The following ZFR variants were observed in gnomAD, a reference collection of about 807,000 sequenced individuals.
ZFR encodes zinc finger RNA binding protein, also known as zinc finger RNA-binding protein.
ZFR carries 19 observed loss-of-function variants against 130.7 expected under a neutral mutation model. The observed-to-expected ratio is 0.15, with a 90% CI of 0.10 to 0.21. The LOEUF (loss-of-function observed/expected upper bound fraction) is 0.21, where lower values mean the gene tolerates loss of function less well. Among genes scored for constraint, ZFR ranks in the 10% least tolerant of loss-of-function variants. ZFR has a pLI of 1.00. For synonymous variants in ZFR, 466 were observed against 456.9 expected (o/e 1.02, Z -0.25); for missense variants, 872 against 1,321.5 (o/e 0.66, Z 5.27).
At position 32,355,418 on chromosome 5, in the gene ZFR, C is replaced by G. The variant is rs1250925168; in HGVS notation, c.*342G>C. On this transcript the variant is annotated 3_prime_UTR_variant, in exon 20 of 20. Coordinates refer to ENST00000265069, the MANE Select transcript of ZFR (RefSeq NM_016107.5). The stretch of plus-strand genomic sequence containing the variant: ...ACACAGAGCAACTGAAGCACACATC[C>G]TGCATTAAATACAGTGAAGATTTAA... 1 of 164,150 alleles carries G rather than the reference C, an allele frequency of 6.1e-6. No homozygotes were observed. The highest frequency in any genetic ancestry group is 1.7e-4 in the East Asian group (1 of 5,766). The allele number at this position is 164,150 out of a possible 1,614,324, so 10.2% of individuals were successfully genotyped here. A position where few individuals can be genotyped will look rare whatever the true frequency, so the allele number is the denominator to read the frequency against.
At chr5:32,423,576 A>C (rs909110559) in intron 2 of ZFR, among the ~76,000 whole-genome samples, 4 of 152,122 alleles carry the variant, frequency 2.6e-5, no homozygotes, top group African/African-American at 9.6e-5. Flanking sequence ...TATATGAAAA[A>C]TACAAAAGAA....
At chr5:32,356,932 G>A (rs1268069849) in intron 19 of ZFR, among the ~76,000 whole-genome samples, 1 of 152,114 alleles carries the variant, frequency 6.6e-6, no homozygotes, top group Non-Finnish European at 1.5e-5. Context: ...CCCCCTTCTG[G>A]ATACTATAAA....
At chr5:32,442,606 T>A (rs1399918853) in intron 2 of ZFR, among the ~76,000 whole-genome samples, 4 of 152,258 alleles carry the variant, frequency 2.6e-5, no homozygotes. Context: ...AAAACACTTG[T>A]AAAATGCCAC....
intron 6 of ZFR, 127 bp downstream of exon 6, chr5:32,406,647 T>TA (rs1450586190): frequency 8.4e-6 from 11 of 1,315,480 alleles, no homozygotes; most frequent in Non-Finnish European, 9.9e-6. Context: ...ACAAGTAACT[T>TA]AAAAAATGCA....
chr5:32,408,155 G>C (rs776716372), intron 5 of ZFR, among the ~76,000 whole-genome samples: 17 of 151,774 alleles, frequency 1.1e-4, no homozygotes, highest in Admixed American at 2.0e-4. Context: ...GCTTAACTTG[G>C]TGATTTTTAT....
chr5:32,400,348 AC>A (rs1295458761), intron 8 of ZFR, 145 bp from the exon 9 acceptor site: 2 of 580,514 alleles, frequency 3.4e-6, no homozygotes, highest in East Asian at 6.5e-5. Flanking sequence ...TTGAAGAACT[AC>A]ATAAACTACT....
At chr5:32,378,058 G>C (rs575684232) in intron 17 of ZFR, among the ~76,000 whole-genome samples, 58 of 152,316 alleles carry the variant, frequency 3.8e-4, no homozygotes, top group African/African-American at 1.3e-3. Flanking sequence ...AACTATGACA[G>C]TGTAAAGAAT....
chr5:32,421,745 C>A (rs324433), intron 2 of ZFR, among the ~76,000 whole-genome samples: 95,352 of 151,948 alleles, frequency 0.63, 30,336 homozygotes, highest in African/African-American at 0.72. Flanking sequence ...AAACTTAGAA[C>A]AGAGTCCAAA....
At chr5:32,395,943 G>A (rs1753296902) in intron 10 of ZFR, among the ~76,000 whole-genome samples, 1 of 152,112 alleles carries the variant, frequency 6.6e-6, no homozygotes, top group Non-Finnish European at 1.5e-5. Context: ...TTTTTAGGGA[G>A]TCAAAAGTTA....
At chr5:32,360,079 G>C (rs1752398882) in intron 19 of ZFR, among the ~76,000 whole-genome samples, 1 of 152,046 alleles carries the variant, frequency 6.6e-6, no homozygotes, top group African/African-American at 2.4e-5. Context: ...CTTGAAACTA[G>C]GGGGACTTCA....
chr5:32,380,662 T>C (rs1278695719), intron 15 of ZFR, among the ~76,000 whole-genome samples: 1 of 147,682 alleles, frequency 6.8e-6, no homozygotes, highest in African/African-American at 2.5e-5. Context: ...TTTTTTTTTT[T>C]TTTTTTTTTT....
chr5:32,431,604 T>C (rs553634428), intron 2 of ZFR, among the ~76,000 whole-genome samples: 9 of 152,336 alleles, frequency 5.9e-5, no homozygotes, highest in Admixed American at 2.0e-4. Context: ...AATTGATAGA[T>C]ACAACATTTC....
intron 15 of ZFR, among the ~76,000 whole-genome samples, chr5:32,382,751 A>G (rs1752960165): frequency 6.6e-6 from 1 of 152,138 alleles, no homozygotes; most frequent in Non-Finnish European, 1.5e-5. Flanking sequence ...CTGGGATTAT[A>G]GGCACTCACC....
intron 17 of ZFR, among the ~76,000 whole-genome samples, chr5:32,376,955 G>C (rs1313869101): frequency 8.8e-6 from 1 of 113,722 alleles, no homozygotes; most frequent in Non-Finnish European, 1.8e-5. Flanking sequence ...CTCCAGCCTG[G>C]GCGACAAGCT....
intron 10 of ZFR, among the ~76,000 whole-genome samples, chr5:32,396,206 C>T (rs1375696410): frequency 2.0e-5 from 3 of 149,740 alleles, no homozygotes; most frequent in South Asian, 4.2e-4. Flanking sequence ...GAGCAAGGCC[C>T]TATCTCAAAA....
rs180678177 is a variant in ZFR, at chr5:32,363,845, C to T, written c.3045+103G>A. 117 of 943,660 alleles carry T rather than the reference C, an allele frequency of 1.2e-4. 1 individual carries two copies. The African/African-American group carries it at 1.6e-3, about 13-fold the overall frequency. 58.5% of individuals were successfully genotyped at this position (943,660 alleles called of 1,614,324 possible). ...CTTGCTTACTACAGAAGCAGAAGAACGAATATTATATAGTGACTTATAATA... is the reference window on the plus strand; with the variant it reads ...CTTGCTTACTACAGAAGCAGAAGAATGAATATTATATAGTGACTTATAATA... On this transcript the variant is annotated intron_variant, in intron 19 of 19. Coordinates refer to ENST00000265069, the MANE Select transcript of ZFR (RefSeq NM_016107.5).
intron 19 of ZFR, among the ~76,000 whole-genome samples, chr5:32,356,586 T>C (rs548848458): frequency 1.3e-5 from 2 of 151,948 alleles, no homozygotes; most frequent in Non-Finnish European, 2.9e-5. Context: ...CTAATTTTTT[T>C]TTTTTTGTAT....
chr5:32,435,277 C>T (rs535831326), intron 2 of ZFR, among the ~76,000 whole-genome samples: 1 of 152,244 alleles, frequency 6.6e-6, no homozygotes, highest in Admixed American at 6.5e-5. Context: ...AACACTTCTT[C>T]AAGGAAAGGT....
intron 19 of ZFR, among the ~76,000 whole-genome samples, chr5:32,358,179 T>C (rs560645150): frequency 6.6e-6 from 1 of 152,150 alleles, no homozygotes; most frequent in Non-Finnish European, 1.5e-5. Context: ...CAACATGGTG[T>C]AACCCCATCT....
Sources: gnomAD v4.1 joint callset for allele counts (sites outside exome capture counted in the v4.1 genomes callset) on GRCh38, gnomAD v4.1.1 for gene constraint, MANE v1.5 for transcripts, NCBI Gene and HGNC (gene_info 2026-07-23, HGNC 2026-07-21) for gene names.